The following NFXL1 variants were observed in gnomAD, a reference collection of about 807,000 sequenced individuals.
NFXL1 encodes nuclear transcription factor, X-box binding like 1.
In NFXL1, 66 loss-of-function variants were observed where a neutral mutation model predicts 123.3. The ratio of observed to expected loss-of-function variants is 0.54; its 90% CI spans 0.44 to 0.66. The LOEUF is 0.66. Among genes scored for constraint, NFXL1 ranks in the 30% least tolerant of loss-of-function variants. The pLI is 0.00. For missense variants in NFXL1, 944 were observed against 1,125.6 expected (o/e 0.84, Z 2.31); for synonymous variants, 346 against 360.8 (o/e 0.96, Z 0.46).
intron 12 of NFXL1, 102 bp downstream of exon 12, chr4:47,890,510 AC>A: frequency 1.5e-6 from 1 of 655,366 alleles, no homozygotes; most frequent in South Asian, 1.9e-5. Context: ...TGAGATAATG[AC>A]TATAAAACGC....
intron 2 of NFXL1, among the ~76,000 whole-genome samples, chr4:47,911,973 C>T (rs181617841): frequency 6.6e-6 from 1 of 152,172 alleles, no homozygotes; most frequent in East Asian, 1.9e-4. Flanking sequence ...TTAAAATTAA[C>T]ATTATACTTA....
chr4:47,907,607 A>G (rs1000341516), intron 3 of NFXL1, among the ~76,000 whole-genome samples: 3 of 152,236 alleles, frequency 2.0e-5, no homozygotes, highest in Non-Finnish European at 4.4e-5. Flanking sequence ...TCTTAAATCA[A>G]GTGATCAGAT....
chr4:47,859,077 CAG>C (rs933979258), intron 19 of NFXL1, among the ~76,000 whole-genome samples: 5 of 152,064 alleles, frequency 3.3e-5, no homozygotes, highest in Non-Finnish European at 7.4e-5. Flanking sequence ...TAGCAAAAAA[CAG>C]AGGTCTTTCT....
intron 3 of NFXL1, among the ~76,000 whole-genome samples, chr4:47,908,401 G>A (rs1018656938): frequency 7.0e-6 from 1 of 143,270 alleles, no homozygotes; most frequent in Non-Finnish European, 1.5e-5. Flanking sequence ...TCCAGCCTGG[G>A]CAATAGAAGA....
In NFXL1 at chr4:47,883,841, T is replaced by C. The variant is rs529475420; in HGVS notation, c.1916+505A>G. ...TACTCCATAACCTCTGCTGGAAGTA[T>C]AAAAAATTCCAGGATTCCGTATTAC... On this transcript the variant is annotated intron_variant, in intron 15 of 22. Transcript: ENST00000507489. 3.5e-4 allele frequency among the ~76,000 whole-genome samples: 54 copies of C among 152,328 alleles called. 1 individual carries two copies. The highest frequency in any genetic ancestry group is 6.5e-5 in the Admixed American group (1 of 15,300).
chr4:47,897,817 T>C lies in NFXL1; in HGVS notation c.1204+150A>G, dbSNP rs911318214. The C allele has an allele frequency of 8.9e-6, 5 of 564,774 alleles. No individual in the cohort carries two copies. The South Asian group carries it at 1.1e-4, about 12-fold the overall frequency. The allele number at this position is 564,774 out of a possible 1,614,324, so 35.0% of individuals were successfully genotyped here. ...GTTTGGACCTTTCCAGAATGTCATA[T>C]AGTTGGGGGCTTAAATTTTGTAGCT... On this transcript the variant is annotated intron_variant, in intron 9 of 22. Transcript: ENST00000507489.
At chr4:47,896,013 G>C (rs921432035) in intron 10 of NFXL1, among the ~76,000 whole-genome samples, 2 of 152,174 alleles carry the variant, frequency 1.3e-5, no homozygotes, top group African/African-American at 2.4e-5. Context: ...CAAGGAGAGG[G>C]AAAGAGAATG....
At chr4:47,878,836 G>C (rs1285677312) in intron 16 of NFXL1, 171 bp from the exon 17 acceptor site, 1 of 529,636 alleles carries the variant, frequency 1.9e-6, no homozygotes, top group East Asian at 3.4e-5. Context: ...ATATTTCAAA[G>C]TAATGAATGC....
At chr4:47,872,692 C>A (rs767353960) in intron 18 of NFXL1, among the ~76,000 whole-genome samples, 37 of 152,150 alleles carry the variant, frequency 2.4e-4, no homozygotes, top group Admixed American at 2.4e-3. Context: ...TATACCTTAA[C>A]AATACTTTAT....
intron 18 of NFXL1, among the ~76,000 whole-genome samples, chr4:47,870,831 G>GA (rs1190560318): frequency 1.3e-5 from 2 of 149,020 alleles, no homozygotes; most frequent in Non-Finnish European, 1.5e-5. Flanking sequence ...TTATTAGCCA[G>GA]AAAAAAAAAG....
intron 9 of NFXL1, among the ~76,000 whole-genome samples, chr4:47,897,154 T>G (rs900923265): frequency 2.6e-5 from 4 of 151,862 alleles, no homozygotes; most frequent in Non-Finnish European, 4.4e-5. Flanking sequence ...TACAAAAAAT[T>G]TTTTTAAATG....
In NFXL1 at chr4:47,885,861, G is replaced by A; in HGVS notation, c.1664+18C>T. The A allele has an allele frequency of 6.2e-7, 1 of 1,600,186 alleles. No individual in the cohort carries two copies. Among genetic ancestry groups the A allele is most frequent in the Non-Finnish European group, 8.5e-7 (1 of 1,175,594 alleles). ...TGTACAACATCAGATGGAAGCTTGT[G>A]CAAAGCTTCAAACTCACCTGCATTG... On this transcript the variant is annotated intron_variant, in intron 13 of 22. Coordinates refer to ENST00000507489, the MANE Select transcript of NFXL1 (RefSeq NM_001278624.2).
intron 8 of NFXL1, among the ~76,000 whole-genome samples, chr4:47,898,510 A>C (rs1283807150): frequency 1.3e-5 from 2 of 152,180 alleles, no homozygotes; most frequent in Admixed American, 6.6e-5. Context: ...AGCTAGCAAG[A>C]AAGAGTACAA....
In NFXL1 at chr4:47,899,211, T is replaced by C. The variant is rs527839122; in HGVS notation, c.827-91A>G. On this transcript the variant is annotated intron_variant, in intron 6 of 22. Transcript: ENST00000507489. ...AATTTCTACACCTATCAATAATTTC[T>C]AGAACTTTCTTTACTGACACTTTAC... is the stretch of plus-strand genomic sequence containing the variant. The C allele has an allele frequency of 2.2e-4, 293 of 1,347,606 alleles. No individual in the cohort carries two copies. The African/African-American group carries it at 3.8e-3, about 17-fold the overall frequency. The allele number at this position is 1,347,606 out of a possible 1,614,324, so 83.5% of individuals were successfully genotyped here. A position where few individuals can be genotyped will look rare whatever the true frequency, so the allele number is the denominator to read the frequency against.
chr4:47,852,403 GA>G (rs1734170755), intron 20 of NFXL1, among the ~76,000 whole-genome samples: 1 of 152,092 alleles, frequency 6.6e-6, no homozygotes, highest in African/African-American at 2.4e-5. Context: ...TGTGGGTAGT[GA>G]AAATGAGGAA....
Position 47,887,212 on chromosome 4 carries a change from G to C in NFXL1, c.1544-1213C>G, listed in dbSNP as rs142030762. On this transcript the variant is annotated intron_variant, in intron 12 of 22. Transcript: ENST00000507489. ...GTTTTCCCAGTAAGGAACTCTATCAGAAATGAAATAATAAAGGAAGAAGAG... is the reference window on the plus strand; with the variant it reads ...GTTTTCCCAGTAAGGAACTCTATCACAAATGAAATAATAAAGGAAGAAGAG... Among the ~76,000 whole-genome samples, 8 of 152,208 alleles carry C rather than the reference G, an allele frequency of 5.3e-5. No homozygotes were observed. In the East Asian group the frequency reaches 5.8e-4, roughly 11 times the overall value.
intron 9 of NFXL1, among the ~76,000 whole-genome samples, chr4:47,897,322 G>A (rs1458113213): frequency 6.6e-6 from 1 of 152,036 alleles, no homozygotes; most frequent in Non-Finnish European, 1.5e-5. Flanking sequence ...TTAAAAAACT[G>A]TAACAACTAC....
intron 17 of NFXL1, chr4:47,876,973 C>T (rs1416146470): frequency 2.3e-5 from 15 of 656,428 alleles, no homozygotes; most frequent in Non-Finnish European, 3.4e-5. Flanking sequence ...AAATATTAGG[C>T]AGTGAGTAAC....
At chr4:47,913,939 G>C (rs1287855683) in intron 2 of NFXL1, 30 bp downstream of exon 2, 8 of 1,501,316 alleles carry the variant, frequency 5.3e-6, no homozygotes, top group Non-Finnish European at 7.2e-6. Context: ...GAGGCATCCA[G>C]GTGAGCACGC....
Sources: gnomAD v4.1 joint callset for allele counts (sites outside exome capture counted in the v4.1 genomes callset) on GRCh38, gnomAD v4.1.1 for gene constraint, MANE v1.5 for transcripts, NCBI Gene and HGNC (gene_info 2026-07-23, HGNC 2026-07-21) for gene names.